FAM20C: variants seen among roughly 807,000 people sequenced by gnomAD.
FAM20C encodes the protein FAM20C golgi associated secretory pathway kinase.
In FAM20C, 40 loss-of-function variants were observed where a neutral mutation model predicts 51.5. The observed-to-expected ratio is 0.78, with a 90% confidence interval of 0.60 to 1.01. The LOEUF (loss-of-function observed/expected upper bound fraction) is 1.01, where lower values mean the gene tolerates loss of function less well. Among genes scored for constraint, FAM20C ranks in the 50% least tolerant of loss-of-function variants. The pLI is 0.00. For synonymous variants in FAM20C, 406 were observed against 380.6 expected (o/e 1.07, Z -0.78); for missense variants, 861 against 844.7 (o/e 1.02, Z -0.24).
In FAM20C at chr7:258,453, A is replaced by G. The variant is rs138952642; in HGVS notation, c.1446-193A>G. ...GCCTGGGGTGCTGGAGATGGGTGGG[A>G]TGGACCCACTGCCTGGGGTGCTGGA... On this transcript the variant is annotated intron_variant, in intron 8 of 9. Transcript: ENST00000313766. Among the ~76,000 whole-genome samples the G allele has an allele frequency of 0.16, 2,586 of 15,746 alleles. 119 individuals are homozygous for G. The highest frequency in any genetic ancestry group is 0.29 in the Middle Eastern group (7 of 24). The allele number at this position is 15,746 out of a possible 152,430, so 10.3% of individuals were successfully genotyped here.
At chr7:211,104 G>A (rs552894010) in intron 3 of FAM20C, among the ~76,000 whole-genome samples, 29 of 148,776 alleles carry the variant, frequency 1.9e-4, no homozygotes, top group Admixed American at 8.7e-4. Context: ...CCTACCCTCC[G>A]CCTCCCCCAG....
Position 200,505 on chromosome 7 carries a change from C to T in FAM20C, c.784+4773C>T, listed in dbSNP as rs535706978. Among the ~76,000 whole-genome samples the T allele has an allele frequency of 8.5e-5, 13 of 152,294 alleles. No homozygotes were observed. The East Asian group carries it at 2.1e-3, about 25-fold the overall frequency. ...AAGCTCATGCTGCTGAGGCCTGGGGCCACCCAGGCACCGGCCTCCCCGTGC... is the reference window on the plus strand; with the variant it reads ...AAGCTCATGCTGCTGAGGCCTGGGGTCACCCAGGCACCGGCCTCCCCGTGC... On this transcript the variant is annotated intron_variant, in intron 2 of 9. Transcript: ENST00000313766.
At position 193,536 on chromosome 7, in the gene FAM20C, GCGGCCGAGC is replaced by G; in HGVS notation, c.347_355del (p.Pro116_Glu118del). 1 of 1,495,188 alleles carries G rather than the reference GCGGCCGAGC, an allele frequency of 6.7e-7. No individual in the cohort carries two copies. The highest frequency in any genetic ancestry group is 1.8e-4 in the Middle Eastern group (1 of 5,688). 92.6% of individuals were successfully genotyped at this position (1,495,188 alleles called of 1,614,324 possible). On this transcript the variant is annotated inframe_deletion, in exon 1 of 10. Coordinates refer to ENST00000313766, the MANE Select transcript of FAM20C (RefSeq NM_020223.4). The stretch of plus-strand genomic sequence containing the variant: ...CCACTCGCTGGAGAAACTGCCGCCC[GCGGCCGAGC>G]CGGCCGAGCGCGCCTTGCGGGGGCG...
At chr7:198,471 G>T (rs1012332627) in intron 2 of FAM20C, among the ~76,000 whole-genome samples, 1 of 152,170 alleles carries the variant, frequency 6.6e-6, no homozygotes, top group African/African-American at 2.4e-5. Flanking sequence ...GTATTTAGGG[G>T]CAAAACCTAA....
At chr7:202,301 G>C (rs1279338493) in intron 2 of FAM20C, among the ~76,000 whole-genome samples, 1 of 149,034 alleles carries the variant, frequency 6.7e-6, no homozygotes, top group Non-Finnish European at 1.5e-5. Context: ...ACTGGGGAAT[G>C]GGGGGGCCCT....
intron 3 of FAM20C, among the ~76,000 whole-genome samples, chr7:242,961 G>A (rs1045597666): frequency 6.6e-6 from 1 of 151,804 alleles, no homozygotes; most frequent in Non-Finnish European, 1.5e-5. Context: ...TGCCACCCGG[G>A]ATACCTGTGC....
intron 2 of FAM20C, among the ~76,000 whole-genome samples, chr7:200,811 G>A (rs1786094207): frequency 6.6e-6 from 1 of 152,190 alleles, no homozygotes; most frequent in Non-Finnish European, 1.5e-5. Context: ...CTCCAGGAGA[G>A]TCGAGGACTG....
intron 3 of FAM20C, among the ~76,000 whole-genome samples, chr7:232,138 G>A (rs142168729): frequency 0.013 from 2,042 of 152,342 alleles, 16 homozygotes; most frequent in Middle Eastern, 0.048. Context: ...GGGTAGCAGC[G>A]GGAGCAAGGA....
chr7:219,844 T>G (rs1038626408), intron 3 of FAM20C, among the ~76,000 whole-genome samples: 1 of 152,168 alleles, frequency 6.6e-6, no homozygotes, highest in African/African-American at 2.4e-5. Flanking sequence ...TTCGAAGGAT[T>G]TTCTGTTCTG....
intron 3 of FAM20C, among the ~76,000 whole-genome samples, chr7:212,018 C>T (rs934851528): frequency 6.6e-6 from 1 of 152,230 alleles, no homozygotes; most frequent in Non-Finnish European, 1.5e-5. Context: ...GATGGAGGTC[C>T]TGCAGCCAGT....
Position 255,835 on chromosome 7 carries a change from C to T in FAM20C, c.1073-14C>T. The T allele has an allele frequency of 6.5e-7, 1 of 1,536,206 alleles. No homozygotes were observed. The highest frequency in any genetic ancestry group is 2.4e-5 in the East Asian group (1 of 40,902). On this transcript the variant is annotated splice_polypyrimidine_tract_variant and intron_variant, in intron 5 of 9. Coordinates refer to ENST00000313766, the MANE Select transcript of FAM20C (RefSeq NM_020223.4). The stretch of plus-strand genomic sequence containing the variant: ...CTGTGCGGCCCTGGTAACCCGCAGC[C>T]TGTCCCTCCCCAGCCAACAACATCT...
At chr7:203,805 T>C (rs182231500) in intron 2 of FAM20C, among the ~76,000 whole-genome samples, 195 of 152,328 alleles carry the variant, frequency 1.3e-3, no homozygotes, top group African/African-American at 4.6e-3. Context: ...GGATAATATG[T>C]TGTTATTTTA....
intron 3 of FAM20C, among the ~76,000 whole-genome samples, chr7:230,909 C>T (rs1056221460): frequency 6.6e-6 from 1 of 152,178 alleles, no homozygotes; most frequent in East Asian, 1.9e-4. Context: ...AGCGCCACAT[C>T]AACCTGGCTT....
intron 2 of FAM20C, among the ~76,000 whole-genome samples, chr7:205,568 G>A (rs1786340305): frequency 6.6e-6 from 1 of 152,150 alleles, no homozygotes; most frequent in Non-Finnish European, 1.5e-5. Flanking sequence ...GGAGGGGAGG[G>A]GCGGGAGGTG....
At chr7:252,074 C>A (rs994163771) in intron 5 of FAM20C, among the ~76,000 whole-genome samples, 2 of 146,498 alleles carry the variant, frequency 1.4e-5, no homozygotes, top group Non-Finnish European at 2.9e-5. Context: ...TCCTAGAGAA[C>A]AAAATCTGTT....
intron 3 of FAM20C, among the ~76,000 whole-genome samples, chr7:241,778 C>T (rs959175912): frequency 4.0e-5 from 6 of 149,446 alleles, no homozygotes; most frequent in South Asian, 2.1e-4. Flanking sequence ...TGTGCATGAG[C>T]GAGTGTGTGT....
At position 200,215 on chromosome 7, in the gene FAM20C, TC is replaced by T. The variant is rs527562454; in HGVS notation, c.784+4488del. Among the ~76,000 whole-genome samples, 21 of 151,008 alleles carry T rather than the reference TC, an allele frequency of 1.4e-4. No homozygotes were observed. The Admixed American group carries it at 1.4e-3, about 10-fold the overall frequency. ...GCGCCAGCTCCAGAAAGGCCACTGT[TC>T]CCCCTCCCACCCACCCCAGGTGGCA... On this transcript the variant is annotated intron_variant, in intron 2 of 9. Transcript: ENST00000313766.
At chr7:257,611 G>T (rs145401310) in intron 8 of FAM20C, among the ~76,000 whole-genome samples, 8,060 of 152,290 alleles carry the variant, frequency 0.053, 342 homozygotes, top group Non-Finnish European at 0.082. Context: ...GATGGACTTT[G>T]GGCACTTCAA....
intron 3 of FAM20C, 124 bp downstream of exon 3, chr7:209,100 A>C: frequency 2.2e-6 from 2 of 894,384 alleles, no homozygotes; most frequent in Non-Finnish European, 3.5e-6. Flanking sequence ...GTGGGTGACC[A>C]CTCTCAACTC....
Sources: allele counts gnomAD v4.1 joint callset (sites outside exome capture counted in the v4.1 genomes callset), GRCh38; gene constraint gnomAD v4.1.1; transcripts MANE v1.5; gene names NCBI Gene and HGNC (gene_info 2026-07-23, HGNC 2026-07-21).